The following PSMG2 variants were observed in gnomAD, a reference collection of about 807,000 sequenced individuals.
PSMG2 encodes the protein proteasome assembly chaperone 2, also known as CD40 ligand-activated specific transcript 3.
In PSMG2, 21 loss-of-function variants were observed where a neutral mutation model predicts 31.5. The observed-to-expected ratio is 0.67, with a 90% CI of 0.47 to 0.96. PSMG2 has a LOEUF of 0.96. Among genes scored for constraint, PSMG2 ranks in the 40% least tolerant of loss-of-function variants. The pLI, the probability that PSMG2 is intolerant of heterozygous loss-of-function variation, is 0.00. For missense variants in PSMG2, 318 were observed against 321.2 expected (o/e 0.99, Z 0.08); for synonymous variants, 120 against 110.4 (o/e 1.09, Z -0.54).
intron 2 of PSMG2, among the ~76,000 whole-genome samples, chr18:12,707,953 C>T (rs1434905550): frequency 6.6e-6 from 1 of 152,134 alleles, no homozygotes; most frequent in African/African-American, 2.4e-5. Context: ...ATTTGAGTTA[C>T]TGCCTCAGAG....
At chr18:12,701,698 TC>T (rs2040155962), upstream of PSMG2, among the ~76,000 whole-genome samples, 1 of 152,142 alleles carries the variant, frequency 6.6e-6, no homozygotes, top group African/African-American at 2.4e-5. Flanking sequence ...AACTGGAGGT[TC>T]TTCTGGAGCT....
upstream of PSMG2, chr18:12,702,458 G>T: frequency 6.4e-7 from 1 of 1,553,302 alleles, no homozygotes. Context: ...TCGGCCCGGC[G>T]GTCTCTCCCA....
upstream of PSMG2, among the ~76,000 whole-genome samples, chr18:12,701,299 T>G (rs1568035852): frequency 6.6e-6 from 1 of 152,214 alleles, no homozygotes; most frequent in African/African-American, 2.4e-5. Context: ...CCACTGGTTA[T>G]CTGGCACCTT....
At chr18:12,721,350 A>G (rs540670148) in intron 5 of PSMG2, among the ~76,000 whole-genome samples, 58 of 152,280 alleles carry the variant, frequency 3.8e-4, no homozygotes, top group Non-Finnish European at 7.2e-4. Flanking sequence ...TGCAACCTCT[A>G]CACGCGCACT....
At chr18:12,690,949 G>A (rs1416607867) in intron 1 of PSMG2, among the ~76,000 whole-genome samples, 3 of 129,210 alleles carry the variant, frequency 2.3e-5, no homozygotes, top group East Asian at 2.4e-4. Flanking sequence ...GCCCCCCCCC[G>A]TTCTGCACAC....
intron 1 of PSMG2, 48 bp downstream of exon 1, chr18:12,703,212 G>A (rs745641813): frequency 6.4e-7 from 1 of 1,559,494 alleles, no homozygotes; most frequent in South Asian, 1.2e-5. Context: ...AGGCCCCTGC[G>A]GTGTCGCCAC....
At chr18:12,686,503 T>C (rs1275956058) in intron 1 of PSMG2, 6 of 1,325,936 alleles carry the variant, frequency 4.5e-6, no homozygotes, top group African/African-American at 1.5e-5. Flanking sequence ...TCCCCAATTA[T>C]GTTTTTTTCA....
At chr18:12,665,042 T>C (rs548843440) in intron 1 of PSMG2, 2 of 149,398 alleles carry the variant, frequency 1.3e-5, no homozygotes, top group East Asian at 3.9e-4. Flanking sequence ...TCAAAAAAGG[T>C]TTTTTTTTTC....
intron 1 of PSMG2, among the ~76,000 whole-genome samples, chr18:12,687,696 G>A (rs1461892025): frequency 2.0e-5 from 3 of 151,376 alleles, no homozygotes; most frequent in Non-Finnish European, 4.4e-5. Flanking sequence ...CAAGTGATCC[G>A]CCCACCTCGA....
intron 1 of PSMG2, among the ~76,000 whole-genome samples, chr18:12,665,519 G>T (rs2038785596): frequency 6.6e-6 from 1 of 152,094 alleles, no homozygotes; most frequent in African/African-American, 2.4e-5. Context: ...TGCCATACCT[G>T]TTCATGCCTC....
intron 1 of PSMG2, among the ~76,000 whole-genome samples, chr18:12,687,898 TA>T (rs1336281195): frequency 2.0e-5 from 3 of 152,224 alleles, no homozygotes; most frequent in African/African-American, 7.2e-5. Context: ...ACAAACTAAA[TA>T]TTAAAAGAAT....
At chr18:12,683,020 C>G (rs937135293) in intron 1 of PSMG2, among the ~76,000 whole-genome samples, 6 of 151,838 alleles carry the variant, frequency 4.0e-5, no homozygotes, top group African/African-American at 1.2e-4. Context: ...TGTGAAAGTT[C>G]ATTCATGGCA....
At chr18:12,674,832 T>C (rs1369240317) in intron 1 of PSMG2, 2 of 805,702 alleles carry the variant, frequency 2.5e-6, no homozygotes, top group African/African-American at 3.5e-5. Context: ...TGTTGATTAT[T>C]TTAATGTATA....
chr18:12,701,256 G>A, upstream of PSMG2: 1 of 613,620 alleles, frequency 1.6e-6, no homozygotes, highest in East Asian at 2.8e-5. Context: ...TTTAAAGAAT[G>A]AATCTTTTGA....
chr18:12,671,642 C>T (rs12967273), intron 1 of PSMG2, among the ~76,000 whole-genome samples: 1,063 of 55,546 alleles, frequency 0.019, 22 homozygotes, highest in Middle Eastern at 0.026. Context: ...TTCACACTTT[C>T]TTTTTTTTTT....
intron 5 of PSMG2, among the ~76,000 whole-genome samples, chr18:12,722,850 G>A (rs959681844): frequency 7.9e-5 from 12 of 152,204 alleles, no homozygotes; most frequent in South Asian, 4.1e-4. Flanking sequence ...ATACCCCTGC[G>A]CTTTCCAAGT....
intron 1 of PSMG2, among the ~76,000 whole-genome samples, chr18:12,676,684 A>G (rs973456210): frequency 3.3e-5 from 5 of 152,216 alleles, no homozygotes; most frequent in African/African-American, 1.2e-4. Context: ...AGGGGCATTC[A>G]TTTCCAGCAA....
At chr18:12,700,831 T>C, upstream of PSMG2, 3 of 645,720 alleles carry the variant, frequency 4.6e-6, no homozygotes, top group Non-Finnish European at 5.2e-6. Flanking sequence ...ACAAGGACAC[T>C]AGTAAACAGA....
At chr18:12,688,305 T>C (rs2145055371) in intron 1 of PSMG2, among the ~76,000 whole-genome samples, 1 of 151,532 alleles carries the variant, frequency 6.6e-6, no homozygotes, top group African/African-American at 2.4e-5. Context: ...TTTCTTGCAC[T>C]AAAAAGTTCA....
Sources: gnomAD v4.1 joint callset for allele counts (sites outside exome capture counted in the v4.1 genomes callset) on GRCh38, gnomAD v4.1.1 for gene constraint, MANE v1.5 for transcripts, NCBI Gene and HGNC (gene_info 2026-07-23, HGNC 2026-07-21) for gene names.